Variants in MAF observed in about 807,000 individuals in gnomAD.
MAF encodes the protein MAF bZIP transcription factor, also known as transcription factor Maf.
Under a neutral mutation model 22.0 loss-of-function variants are expected in MAF, and 10 were observed. The observed-to-expected ratio is 0.45, with a 90% CI of 0.28 to 0.77. The LOEUF (loss-of-function observed/expected upper bound fraction) is 0.77, where lower values mean the gene tolerates loss of function less well. Ranked by LOEUF, MAF falls within the 30% of genes least tolerant of loss-of-function variation. The pLI is 0.12. For synonymous variants in MAF, 337 were observed against 255.8 expected (o/e 1.32, Z -3.03); for missense variants, 544 against 548.4 (o/e 0.99, Z 0.08).
the MAF span, among the ~76,000 whole-genome samples, chr16:79,450,385 A>C: frequency 2.0e-5 from 3 of 152,226 alleles, no homozygotes; most frequent in Admixed American, 2.0e-4. Flanking sequence ...CCATCTATCA[A>C]TGTAGACTCT....
chr16:79,524,260 G>T, the MAF span, among the ~76,000 whole-genome samples: 31 of 152,312 alleles, frequency 2.0e-4, 1 homozygote, highest in Admixed American at 1.1e-3. Context: ...TTAATTTGCT[G>T]CATTAGCCGG....
chr16:79,226,877 C>G, the MAF span, among the ~76,000 whole-genome samples: 13 of 152,032 alleles, frequency 8.6e-5, no homozygotes, highest in Non-Finnish European at 1.8e-4. Flanking sequence ...CGGCTGTGAG[C>G]TGACTCAGGT....
At chr16:79,251,288 T>C in the MAF span, among the ~76,000 whole-genome samples, 6 of 150,588 alleles carry the variant, frequency 4.0e-5, no homozygotes, top group African/African-American at 1.5e-4. Flanking sequence ...AATGCTGTTA[T>C]GGTTATTATT....
chr16:79,226,983 G>T, the MAF span, among the ~76,000 whole-genome samples: 3 of 151,920 alleles, frequency 2.0e-5, no homozygotes, highest in African/African-American at 7.3e-5. Context: ...GGGAACCTTA[G>T]GGCTACATGG....
At chr16:79,239,818 T>G in the MAF span, among the ~76,000 whole-genome samples, 4 of 152,148 alleles carry the variant, frequency 2.6e-5, no homozygotes, top group East Asian at 5.8e-4. Context: ...AATGGATGAT[T>G]CAATGCCCAG....
At chr16:79,212,975 C>A in the MAF span, 2 of 152,190 alleles carry the variant, frequency 1.3e-5, no homozygotes, top group African/African-American at 2.4e-5. Context: ...TACTTACTTA[C>A]AGTGAGTTAT....
At chr16:79,373,146 C>G in the MAF span, among the ~76,000 whole-genome samples, 2 of 152,004 alleles carry the variant, frequency 1.3e-5, no homozygotes, top group Non-Finnish European at 2.9e-5. Flanking sequence ...TCTCTTTTCC[C>G]TCATCCTTGC....
chr16:79,358,819 C>T, the MAF span, among the ~76,000 whole-genome samples: 1 of 152,142 alleles, frequency 6.6e-6, no homozygotes, highest in African/African-American at 2.4e-5. Context: ...TGCTCTGGAG[C>T]CCATTCCTGG....
the MAF span, among the ~76,000 whole-genome samples, chr16:79,553,205 GTC>G: frequency 6.6e-6 from 1 of 152,228 alleles, no homozygotes; most frequent in Non-Finnish European, 1.5e-5. Context: ...ACAGCTCTGG[GTC>G]TCTTTTGAGA....
chr16:79,240,664 C>G, the MAF span, among the ~76,000 whole-genome samples: 3 of 151,896 alleles, frequency 2.0e-5, no homozygotes, highest in Admixed American at 6.6e-5. Context: ...AAGAGAGCAG[C>G]AGAACTCCCA....
the MAF span, among the ~76,000 whole-genome samples, chr16:79,499,636 A>T: frequency 6.6e-6 from 1 of 152,190 alleles, no homozygotes; most frequent in African/African-American, 2.4e-5. Flanking sequence ...CCCTTCCCCC[A>T]TATGAAGACA....
chr16:79,212,118 G>GT, the MAF span: 1 of 1,534,274 alleles, frequency 6.5e-7, no homozygotes, highest in South Asian at 1.2e-5. Context: ...TTCTTTTACT[G>GT]TTATAGAATA....
the MAF span, among the ~76,000 whole-genome samples, chr16:79,522,096 C>G: frequency 1.3e-5 from 2 of 152,090 alleles, no homozygotes; most frequent in Non-Finnish European, 1.5e-5. Context: ...GGGATAGAGA[C>G]AGCATCCTGG....
the MAF span, among the ~76,000 whole-genome samples, chr16:79,336,192 C>A: frequency 1.3e-5 from 2 of 152,302 alleles, no homozygotes; most frequent in African/African-American, 2.4e-5. Context: ...AAGTGAGAAT[C>A]GTAGTAATGA....
chr16:79,523,572 C>A, the MAF span, among the ~76,000 whole-genome samples: 1 of 152,170 alleles, frequency 6.6e-6, no homozygotes, highest in Non-Finnish European at 1.5e-5. Flanking sequence ...ATGAGAGATG[C>A]TGGCTGCCTC....
chr16:79,329,279 G>A, the MAF span, among the ~76,000 whole-genome samples: 1 of 152,136 alleles, frequency 6.6e-6, no homozygotes, highest in Admixed American at 6.5e-5. Flanking sequence ...GCCAGTGAGT[G>A]ACTGAGAAAT....
the MAF span, among the ~76,000 whole-genome samples, chr16:79,438,390 G>A: frequency 1.3e-5 from 2 of 152,144 alleles, no homozygotes; most frequent in Non-Finnish European, 2.9e-5. Flanking sequence ...AACTCAGGAC[G>A]TTTGAAATAT....
At chr16:79,588,178 T>C (rs1912970558) in intron 1 of MAF, among the ~76,000 whole-genome samples, 1 of 152,160 alleles carries the variant, frequency 6.6e-6, no homozygotes. Context: ...ACCTGCACAG[T>C]GCAGTAAATT....
At chr16:79,387,917 C>T in the MAF span, among the ~76,000 whole-genome samples, 38 of 152,246 alleles carry the variant, frequency 2.5e-4, no homozygotes, top group African/African-American at 8.9e-4. Context: ...AATGAGTCCC[C>T]AACATAGTTA....
Sources: gnomAD v4.1 joint callset for allele counts (sites outside exome capture counted in the v4.1 genomes callset) on GRCh38, gnomAD v4.1.1 for gene constraint, MANE v1.5 for transcripts, NCBI Gene and HGNC (gene_info 2026-07-23, HGNC 2026-07-21) for gene names.